Variants in SYT17 observed in about 807,000 individuals in gnomAD.
SYT17 encodes the protein synaptotagmin 17, also known as synaptotagmin-17.
Under a neutral mutation model 46.7 loss-of-function variants are expected in SYT17, and 22 were observed. The ratio of observed to expected loss-of-function variants is 0.47; its 90% CI spans 0.34 to 0.67. The LOEUF (loss-of-function observed/expected upper bound fraction) is 0.67. SYT17 is among the 30% of genes least tolerant of loss of function. SYT17 has a pLI of 0.01. For missense variants in SYT17, 519 were observed against 612.8 expected (o/e 0.85, Z 1.62); for synonymous variants, 251 against 248.4 (o/e 1.01, Z -0.10).
intron 7 of SYT17, among the ~76,000 whole-genome samples, chr16:19,231,525 A>G (rs1380487396): frequency 7.4e-6 from 1 of 135,444 alleles, no homozygotes; most frequent in Non-Finnish European, 1.5e-5. Flanking sequence ...CTCCATCACA[A>G]AAAAAAAAAA....
chr16:19,203,257 G>A (rs768447717), intron 5 of SYT17, among the ~76,000 whole-genome samples: 7 of 151,944 alleles, frequency 4.6e-5, no homozygotes, highest in African/African-American at 1.7e-4. Context: ...TTGGGAGGCC[G>A]AGGAGGCTGG....
Position 19,214,933 on chromosome 16 carries a change from C to T in SYT17, c.952-8112C>T, listed in dbSNP as rs550991712. Among the ~76,000 whole-genome samples, 1,061 of 152,102 alleles carry T rather than the reference C, an allele frequency of 7.0e-3. 8 individuals are homozygous for T. The highest frequency in any genetic ancestry group is 0.024 in the African/African-American group (987 of 41,482). ...CCTCCTGAGCAACTGGGATTGCAGG[C>T]GCCCACCCCACACACAGCTACTTTT... On this transcript the variant is annotated intron_variant, in intron 5 of 7. Coordinates refer to ENST00000355377, the MANE Select transcript of SYT17 (RefSeq NM_016524.4).
intron 5 of SYT17, among the ~76,000 whole-genome samples, chr16:19,222,258 G>A (rs1966346326): frequency 6.6e-6 from 1 of 152,098 alleles, no homozygotes; most frequent in Non-Finnish European, 1.5e-5. Context: ...TGTTATGCTA[G>A]TCTATTGTTT....
intron 7 of SYT17, among the ~76,000 whole-genome samples, chr16:19,260,803 A>G (rs994421268): frequency 2.0e-5 from 3 of 152,188 alleles, no homozygotes; most frequent in Non-Finnish European, 4.4e-5. Context: ...CTTTACAACA[A>G]AATTTTTAGT....
At chr16:19,222,355 G>A (rs1056167724) in intron 5 of SYT17, among the ~76,000 whole-genome samples, 1 of 152,016 alleles carries the variant, frequency 6.6e-6, no homozygotes, top group Non-Finnish European at 1.5e-5. Flanking sequence ...GGTACCTTTG[G>A]CAGTATGGAG....
intron 1 of SYT17, chr16:19,171,731 A>C (rs539689899): frequency 6.6e-6 from 1 of 152,330 alleles, no homozygotes; most frequent in African/African-American, 2.4e-5. Context: ...CTAATATCAT[A>C]GGAAACCAAG....
At chr16:19,214,884 G>T (rs1273459157) in intron 5 of SYT17, among the ~76,000 whole-genome samples, 1 of 151,966 alleles carries the variant, frequency 6.6e-6, no homozygotes, top group African/African-American at 2.4e-5. Flanking sequence ...CCGCCTTCTG[G>T]GTCAAGGGAG....
chr16:19,183,613 C>A lies in SYT17; in HGVS notation c.417C>A (p.Ile139=). Residue 139 remains isoleucine, a synonymous_variant, in exon 5 of 8, where the codon ATC becomes ATA. Transcript: ENST00000355377. The surrounding 1 kb of genome is among the most constrained non-coding windows in gnomAD (Gnocchi z 5.6). ...FGVLSAKKEP[I]QPSVLRRTYN... ...TTCTCAGCGCCAAGAAGGAGCCCAT[C>A]CAACCTTCGGTGCTCAGACGGACCT... 1 of 1,614,212 alleles carries A rather than the reference C, an allele frequency of 6.2e-7. No homozygotes were observed.
chr16:19,250,357 G>GTT (rs1473479822), intron 7 of SYT17, among the ~76,000 whole-genome samples: 2 of 127,858 alleles, frequency 1.6e-5, no homozygotes, highest in African/African-American at 3.3e-5. Context: ...TCTCAAACAT[G>GTT]TTTGTGTGTG....
At chr16:19,187,081 C>T (rs577687952) in intron 5 of SYT17, among the ~76,000 whole-genome samples, 75 of 152,202 alleles carry the variant, frequency 4.9e-4, no homozygotes, top group African/African-American at 1.7e-3. Flanking sequence ...GTCGCCCAGG[C>T]TGGAATGCAG....
chr16:19,244,625 G>A lies in SYT17; in HGVS notation c.1228+19787G>A, dbSNP rs4401035. On this transcript the variant is annotated intron_variant, in intron 7 of 7. Transcript: ENST00000355377. ...GCTGGGATTACAGGCATGAGCCACC[G>A]AGCCTGGACCAGAATCTTACTTCTT... Among the ~76,000 whole-genome samples the A allele has an allele frequency of 2.6e-5, 4 of 152,166 alleles. No individual in the cohort carries two copies. In the East Asian group the frequency reaches 7.7e-4, roughly 29 times the overall value.
rs1964630585 is a variant in SYT17 at position 19,183,306 on chromosome 16, A to G, written c.332-222A>G. Among the ~76,000 whole-genome samples, 1 of 152,268 alleles carries G rather than the reference A, an allele frequency of 6.6e-6. No homozygotes were observed. Among genetic ancestry groups the G allele is most frequent in the Non-Finnish European group, 1.5e-5 (1 of 68,054 alleles). Reference sequence around the variant, plus strand: ...TGCGATGATGTAGTGTACACAGTCCATTAGAGCAGTGCCTGGCACTTAGCT... The same window carrying G: ...TGCGATGATGTAGTGTACACAGTCCGTTAGAGCAGTGCCTGGCACTTAGCT... On this transcript the variant is annotated intron_variant, in intron 4 of 7. Coordinates refer to ENST00000355377, the MANE Select transcript of SYT17 (RefSeq NM_016524.4). This position sits in a 1 kb window ranked among gnomAD's most constrained non-coding sequence, Gnocchi z 5.6.
At chr16:19,182,646 C>T (rs1185046803) in intron 4 of SYT17, among the ~76,000 whole-genome samples, 1 of 152,164 alleles carries the variant, frequency 6.6e-6, no homozygotes, top group Non-Finnish European at 1.5e-5. Flanking sequence ...TGGCAAATGT[C>T]TCATAAAGAC....
intron 7 of SYT17, among the ~76,000 whole-genome samples, chr16:19,262,636 A>C (rs1016903638): frequency 4.0e-5 from 6 of 151,014 alleles, no homozygotes; most frequent in African/African-American, 7.4e-5. Context: ...CAACACACTT[A>C]GGGTATTGCC....
intron 5 of SYT17, among the ~76,000 whole-genome samples, chr16:19,193,060 T>A (rs189560670): frequency 2.6e-5 from 4 of 152,286 alleles, no homozygotes; most frequent in African/African-American, 4.8e-5. Flanking sequence ...TGGAAAGGGT[T>A]CAGACATTTG....
At chr16:19,252,038 C>T (rs149666215) in intron 7 of SYT17, among the ~76,000 whole-genome samples, 2,089 of 151,896 alleles carry the variant, frequency 0.014, 56 homozygotes, top group African/African-American at 0.047. Flanking sequence ...GGCAAAACCC[C>T]GTCTCCACTA....
intron 5 of SYT17, chr16:19,211,157 A>G (rs1338079965): frequency 2.4e-6 from 1 of 408,594 alleles, no homozygotes; most frequent in Non-Finnish European, 4.4e-6. Flanking sequence ...AATTAAGCGC[A>G]TCGGGCTCTT....
rs1262097085 is a variant in SYT17, at chr16:19,211,384, A to G, written c.952-11661A>G. 8.5e-6 allele frequency: 6 copies of G among 703,212 alleles called. No individual in the cohort carries two copies. The South Asian group carries it at 8.9e-5, about 10-fold the overall frequency. The allele number at this position is 703,212 out of a possible 1,614,324, so 43.6% of individuals were successfully genotyped here. A position where few individuals can be genotyped will look rare whatever the true frequency, so the allele number is the denominator to read the frequency against. On this transcript the variant is annotated intron_variant, in intron 5 of 7. Transcript: ENST00000355377. ...TGGGGGCTGCACTGCTTGATCTTGGATTTGTTTCTGGTGCTGTGAATATAG... is the reference window on the plus strand; with the variant it reads ...TGGGGGCTGCACTGCTTGATCTTGGGTTTGTTTCTGGTGCTGTGAATATAG...
chr16:19,169,422 A>T (rs1013101254), intron 1 of SYT17, among the ~76,000 whole-genome samples: 1 of 152,240 alleles, frequency 6.6e-6, no homozygotes, highest in African/African-American at 2.4e-5. Flanking sequence ...TCAAGCAGGC[A>T]GACCCGCAGT....
Sources: gnomAD v4.1 joint callset for allele counts (sites outside exome capture counted in the v4.1 genomes callset) on GRCh38, gnomAD v4.1.1 for gene constraint, Gnocchi (gnomAD v3.1) non-coding constraint, MANE v1.5 for transcripts, NCBI Gene and HGNC (gene_info 2026-07-23, HGNC 2026-07-21) for gene names.